The following IGF2R variants were observed in gnomAD, a reference collection of about 807,000 sequenced individuals.
IGF2R encodes the protein cation-independent mannose-6-phosphate receptor.
A neutral mutation model predicts 270.6 loss-of-function variants in IGF2R; 91 were observed. The observed-to-expected ratio is 0.34, with a 90% CI of 0.28 to 0.40. IGF2R has a LOEUF of 0.40. Among genes scored for constraint, IGF2R ranks in the 10% least tolerant of loss-of-function variants. IGF2R has a pLI of 1.00. For missense variants in IGF2R, 2,805 were observed against 3,188.3 expected, an observed-to-expected ratio of 0.88 and a Z score of 2.90; for synonymous variants, 1,316 against 1,258.9, an observed-to-expected ratio of 1.05 and a Z score of -0.96.
In IGF2R at chr6:160,102,641, T is replaced by A. The variant is rs771844603; in HGVS notation, c.6965T>A (p.Leu2322Gln). The A allele has an allele frequency of 6.2e-7, 1 of 1,610,856 alleles. No individual in the cohort carries two copies. The highest frequency in any genetic ancestry group is 8.5e-7 in the Non-Finnish European group (1 of 1,178,302). ...LLLVALTCCL[L>Q]ALLLYKKERR... ...CTGGTGGCGCTCACCTGCTGCCTGC[T>A]GGCCCTGTTGCTCTACAAGAAGGAG... is the stretch of plus-strand genomic sequence containing the variant. The change falls in exon 46 of 48, where the codon CTG becomes CAG. Residue 2322 changes from leucine to glutamine, a missense_variant. Around this residue, in one of 2 missense-constraint regions of IGF2R, gnomAD observed 1,851 missense variants for 2,207.2 expected, o/e 0.84. Coordinates refer to ENST00000356956, the MANE Select transcript of IGF2R (RefSeq NM_000876.4). The surrounding 1 kb of genome is among the most constrained non-coding windows in gnomAD (Gnocchi z 4.5).
intron 44 of IGF2R, among the ~76,000 whole-genome samples, chr6:160,091,603 T>A (rs570726918): frequency 4.6e-5 from 7 of 152,344 alleles, no homozygotes; most frequent in Non-Finnish European, 8.8e-5. Flanking sequence ...TCAGCCTCAT[T>A]CACTTGCATA....
intron 21 of IGF2R, 113 bp downstream of exon 21, chr6:160,058,237 G>C: frequency 1.4e-6 from 1 of 704,352 alleles, no homozygotes; most frequent in Non-Finnish European, 2.6e-6. Flanking sequence ...TGTGGTGGCA[G>C]CTCTTACTCA....
At chr6:160,008,584 G>A (rs148661167) in intron 2 of IGF2R, among the ~76,000 whole-genome samples, 16 of 152,302 alleles carry the variant, frequency 1.1e-4, no homozygotes, top group African/African-American at 3.6e-4. Context: ...AAACATTTCA[G>A]TGGCTGAGTT....
intron 2 of IGF2R, among the ~76,000 whole-genome samples, chr6:159,994,201 G>T (rs1035970867): frequency 4.6e-5 from 7 of 151,798 alleles, no homozygotes; most frequent in Non-Finnish European, 1.0e-4. Context: ...ATGTTTCCAG[G>T]AATGTATCCA....
rs1446588660 is a variant in IGF2R, at chr6:160,084,962, G to A, written c.6069-33G>A. 3 of 1,596,426 alleles carry A rather than the reference G, an allele frequency of 1.9e-6. No individual in the cohort carries two copies. Among genetic ancestry groups the A allele is most frequent in the Non-Finnish European group, 1.7e-6 (2 of 1,166,324 alleles). On this transcript the variant is annotated intron_variant, in intron 40 of 47. Coordinates refer to ENST00000356956, the MANE Select transcript of IGF2R (RefSeq NM_000876.4). The surrounding 1 kb of genome is among the most constrained non-coding windows in gnomAD (Gnocchi z 4.6). ...GTCAGGGCAGAGACGTCACTTGCAT[G>A]CCTTTTACCTGCCCCTTTGTGTCGT...
Position 160,064,784 on chromosome 6 carries a change from G to A in IGF2R, c.4018-20G>A. The stretch of plus-strand genomic sequence containing the variant: ...GTTTTGCATTCTCACTTTTATATAT[G>A]TGCCTCTTAACTTTTTTAGCCAGTA... On this transcript the variant is annotated intron_variant, in intron 28 of 47. Coordinates refer to ENST00000356956, the MANE Select transcript of IGF2R (RefSeq NM_000876.4). 1 of 1,521,142 alleles carries A rather than the reference G, an allele frequency of 6.6e-7. No homozygotes were observed. The highest frequency in any genetic ancestry group is 9.1e-7 in the Non-Finnish European group (1 of 1,095,490). 94.2% of individuals were successfully genotyped at this position (1,521,142 alleles called of 1,614,324 possible).
chr6:159,981,410 G>C (rs1413378699), intron 1 of IGF2R, among the ~76,000 whole-genome samples: 1 of 152,054 alleles, frequency 6.6e-6, no homozygotes, highest in Non-Finnish European at 1.5e-5. Flanking sequence ...AGATGCCTCC[G>C]GACAGGGGCC....
intron 1 of IGF2R, among the ~76,000 whole-genome samples, chr6:159,989,239 G>A (rs148591210): frequency 4.6e-5 from 7 of 152,262 alleles, no homozygotes; most frequent in East Asian, 1.9e-4. Context: ...TTGGCGCCTC[G>A]TCTTCCAGTG....
chr6:160,081,125 C>CA (rs57556600), intron 39 of IGF2R, among the ~76,000 whole-genome samples: 128 of 129,814 alleles, frequency 9.9e-4, no homozygotes, highest in Middle Eastern at 3.9e-3. Flanking sequence ...GACTCGGTCT[C>CA]AAAAAAAAAA....
intron 1 of IGF2R, among the ~76,000 whole-genome samples, chr6:159,981,915 A>G (rs933564625): frequency 2.6e-5 from 4 of 152,228 alleles, no homozygotes; most frequent in Non-Finnish European, 4.4e-5. Flanking sequence ...CTCTCAGGGA[A>G]AACCAAAGGC....
At chr6:159,977,205 A>G (rs1037982277) in intron 1 of IGF2R, among the ~76,000 whole-genome samples, 5 of 151,840 alleles carry the variant, frequency 3.3e-5, no homozygotes, top group Admixed American at 2.0e-4. Flanking sequence ...TTGCTCTATT[A>G]ATTATTTTTC....
intron 1 of IGF2R, among the ~76,000 whole-genome samples, chr6:159,976,900 G>A (rs1443067074): frequency 1.3e-5 from 2 of 152,174 alleles, no homozygotes; most frequent in Non-Finnish European, 2.9e-5. Context: ...CTCTGTTTGG[G>A]TCAAAGTTAC....
chr6:160,105,638 CCT>C lies in IGF2R; in HGVS notation c.*555_*556del, dbSNP rs1779598551. 1 of 153,136 alleles carries C rather than the reference CCT, an allele frequency of 6.5e-6. No homozygotes were observed. The highest frequency in any genetic ancestry group is 2.4e-5 in the African/African-American group (1 of 41,374). 9.5% of individuals were successfully genotyped at this position (153,136 alleles called of 1,614,324 possible). On this transcript the variant is annotated 3_prime_UTR_variant, in exon 48 of 48. Transcript: ENST00000356956. ...TGTTGAACTGGTCATTAATGTGTCC[CCT>C]GAGTTGGAGCTCATTCTGTCTCTTT...
At chr6:160,060,348 G>A (rs1490044134) in intron 22 of IGF2R, among the ~76,000 whole-genome samples, 199 bp from the exon 23 acceptor site, 1 of 152,250 alleles carries the variant, frequency 6.6e-6, no homozygotes, top group Non-Finnish European at 1.5e-5. Context: ...CCTGTCATAG[G>A]CCACTGTTGT....
chr6:160,055,319 C>A (rs752296890), intron 19 of IGF2R, among the ~76,000 whole-genome samples: 12 of 152,144 alleles, frequency 7.9e-5, no homozygotes, highest in Non-Finnish European at 1.2e-4. Flanking sequence ...CCAGAAAGTT[C>A]TTGGACCCTT....
rs540754154 is a variant in IGF2R at position 160,071,302 on chromosome 6, C to T, written c.4444-608C>T. On this transcript the variant is annotated intron_variant, in intron 31 of 47. Coordinates refer to ENST00000356956, the MANE Select transcript of IGF2R (RefSeq NM_000876.4). Reference sequence around the variant, plus strand: ...GGAAGGGTGGGGGTGTGTCGAGGCCCCTGTGCCCAGGGCCTGGGAGGCTGG... The same window carrying T: ...GGAAGGGTGGGGGTGTGTCGAGGCCTCTGTGCCCAGGGCCTGGGAGGCTGG... Among the ~76,000 whole-genome samples, 6 of 150,588 alleles carry T rather than the reference C, an allele frequency of 4.0e-5. No homozygotes were observed. In the South Asian group the frequency reaches 6.3e-4, roughly 16 times the overall value.
chr6:160,036,018 C>T (rs926496622), intron 10 of IGF2R, among the ~76,000 whole-genome samples: 1 of 152,112 alleles, frequency 6.6e-6, no homozygotes, highest in Non-Finnish European at 1.5e-5. Context: ...AGGGGAACTG[C>T]GAGCAGGTTA....
Position 160,071,177 on chromosome 6 carries a change from GA to G in IGF2R, c.4444-731del, listed in dbSNP as rs1288167608. Among the ~76,000 whole-genome samples the G allele has an allele frequency of 1.2e-3, 181 of 148,404 alleles. 2 individuals are homozygous for G. The highest frequency in any genetic ancestry group is 4.3e-3 in the African/African-American group (172 of 40,068). ...ACCCAGGAGGCTGGGAGGGAAAGGT[GA>G]AGGGTGTGTGGAGGCCCTGTGCCCC... On this transcript the variant is annotated intron_variant, in intron 31 of 47. Coordinates refer to ENST00000356956, the MANE Select transcript of IGF2R (RefSeq NM_000876.4).
chr6:160,044,398 T>G, intron 12 of IGF2R, 116 bp from the exon 13 acceptor site: 1 of 976,006 alleles, frequency 1.0e-6, no homozygotes, highest in Non-Finnish European at 1.5e-6. Flanking sequence ...CGTGCTGGGT[T>G]TGGGCTGATT....
Sources: gnomAD v4.1 joint callset for allele counts (sites outside exome capture counted in the v4.1 genomes callset) on GRCh38, gnomAD v4.1.1 for gene constraint, gnomAD v4.1.1 regional missense constraint, Gnocchi (gnomAD v3.1) non-coding constraint, MANE v1.5 for transcripts, NCBI Gene and HGNC (gene_info 2026-07-23, HGNC 2026-07-21) for gene names.